The following GOLGA7B variants were observed in gnomAD, a reference collection of about 807,000 sequenced individuals.
GOLGA7B encodes golgin A7 family member B.
In GOLGA7B, 17 loss-of-function variants were observed where a neutral mutation model predicts 21.5. That is an observed-to-expected ratio of 0.79 (90% CI 0.54 to 1.19). The LOEUF (loss-of-function observed/expected upper bound fraction) is 1.19, where lower values mean the gene tolerates loss of function less well. Ranked by LOEUF, GOLGA7B falls within the 50% of genes most tolerant of loss-of-function variation. The pLI is 0.00. For synonymous variants in GOLGA7B, 87 were observed against 84.0 expected, an observed-to-expected ratio of 1.04 and a Z score of -0.19; for missense variants, 169 against 224.4, an observed-to-expected ratio of 0.75 and a Z score of 1.58.
chr10:97,853,493 G>A (rs76975130), intron 1 of GOLGA7B, among the ~76,000 whole-genome samples: 2,864 of 152,284 alleles, frequency 0.019, 95 homozygotes, highest in African/African-American at 0.064. Context: ...CCACTCTCCA[G>A]GCAGACTCCC....
chr10:97,864,285 A>C lies in GOLGA7B; in HGVS notation c.393+16A>C, dbSNP rs376358502. The C allele has an allele frequency of 5.8e-5, 93 of 1,605,542 alleles. No individual in the cohort carries two copies. Among genetic ancestry groups the C allele is most frequent in the South Asian group, 5.4e-4 (49 of 90,898 alleles). ...GATGAGGGTTGTATCCTTCTGGGCT[A>C]TTCTGTGTTGAGGGCACAGGACTGC... On this transcript the variant is annotated intron_variant, in intron 4 of 4. Transcript: ENST00000370602.
In GOLGA7B at chr10:97,870,942, G is replaced by C. The variant is rs1353672751; in HGVS notation, c.*5242G>C. The C allele has an allele frequency of 1.3e-5, 2 of 152,282 alleles. No individual in the cohort carries two copies. The highest frequency in any genetic ancestry group is 2.9e-5 in the Non-Finnish European group (2 of 68,024). The allele number at this position is 152,282 out of a possible 1,614,324, so 9.4% of individuals were successfully genotyped here. A position where few individuals can be genotyped will look rare whatever the true frequency, so the allele number is the denominator to read the frequency against. On this transcript the variant is annotated 3_prime_UTR_variant, in exon 5 of 5. Coordinates refer to ENST00000370602, the MANE Select transcript of GOLGA7B (RefSeq NM_001010917.3). ...TACAGCTTTCAGCAGATTCTCAAAG[G>C]GGTATGCAACCCCCTAAAAAGGTTA...
At chr10:97,855,093 G>A (rs2049927083) in intron 1 of GOLGA7B, among the ~76,000 whole-genome samples, 1 of 152,202 alleles carries the variant, frequency 6.6e-6, no homozygotes, top group Non-Finnish European at 1.5e-5. Context: ...TGTATGCCTA[G>A]GAGGAAGAAG....
intron 2 of GOLGA7B, 130 bp from the exon 3 acceptor site, chr10:97,863,800 T>C: frequency 1.0e-6 from 1 of 1,004,770 alleles, no homozygotes; most frequent in Non-Finnish European, 1.5e-6. Context: ...TGCAGCCTCT[T>C]TGGTCTTGCC....
At chr10:97,857,854 A>C (rs2049946144) in intron 1 of GOLGA7B, among the ~76,000 whole-genome samples, 1 of 152,180 alleles carries the variant, frequency 6.6e-6, no homozygotes, top group Non-Finnish European at 1.5e-5. Context: ...AAAGCAACAT[A>C]CCTATAACCA....
chr10:97,857,560 A>G (rs1214018085), intron 1 of GOLGA7B, among the ~76,000 whole-genome samples: 1 of 152,170 alleles, frequency 6.6e-6, no homozygotes, highest in Non-Finnish European at 1.5e-5. Context: ...AGCAATCTAC[A>G]GATTTAACAC....
At position 97,857,573 on chromosome 10, in the gene GOLGA7B, T is replaced by A. The variant is rs143414104; in HGVS notation, c.13-1885T>A. 4.7e-4 allele frequency among the ~76,000 whole-genome samples: 71 copies of A among 152,070 alleles called. 1 individual carries two copies. The highest frequency in any genetic ancestry group is 1.6e-3 in the African/African-American group (67 of 41,478). ...AAAGCAATCTACAGATTTAACACAA[T>A]CCCTATCAAATTAGCAATATCATTT... On this transcript the variant is annotated intron_variant, in intron 1 of 4. Transcript: ENST00000370602.
Position 97,850,211 on chromosome 10 carries a change from G to T in GOLGA7B, c.-93G>T, listed in dbSNP as rs369835704. 1.1e-4 allele frequency: 93 copies of T among 875,038 alleles called. 1 individual carries two copies. In the East Asian group the frequency reaches 1.6e-3, roughly 15 times the overall value. 54.2% of individuals were successfully genotyped at this position (875,038 alleles called of 1,614,324 possible). A position where few individuals can be genotyped will look rare whatever the true frequency, so the allele number is the denominator to read the frequency against. Reference sequence around the variant, plus strand: ...CGGACAGCGCCCCGGGCCCCAGCTCGCCGCCACCGCCGCCGCCCACCTGCT... The same window carrying T: ...CGGACAGCGCCCCGGGCCCCAGCTCTCCGCCACCGCCGCCGCCCACCTGCT... On this transcript the variant is annotated 5_prime_UTR_variant, in exon 1 of 5. Transcript: ENST00000370602.
chr10:97,850,339 A>G, intron 1 of GOLGA7B, 24 bp downstream of exon 1: 2 of 1,509,476 alleles, frequency 1.3e-6, no homozygotes, highest in Admixed American at 2.1e-5. Flanking sequence ...CCCCACCCGC[A>G]GGCAGTGCCC....
At chr10:97,852,531 G>C (rs1308381935) in intron 1 of GOLGA7B, among the ~76,000 whole-genome samples, 4 of 152,214 alleles carry the variant, frequency 2.6e-5, no homozygotes, top group Non-Finnish European at 4.4e-5. Context: ...TGTGGGGTGA[G>C]TCATTCTCCC....
At chr10:97,862,860 G>T (rs2049979447) in intron 2 of GOLGA7B, among the ~76,000 whole-genome samples, 1 of 152,280 alleles carries the variant, frequency 6.6e-6, no homozygotes, top group South Asian at 2.1e-4. Context: ...AGACCCAAGG[G>T]TGTTAAGGGT....
At chr10:97,856,204 G>A (rs2049934404) in intron 1 of GOLGA7B, among the ~76,000 whole-genome samples, 1 of 152,084 alleles carries the variant, frequency 6.6e-6, no homozygotes, top group Admixed American at 6.6e-5. Context: ...TGTACCCGAT[G>A]GGTAATTTTT....
At position 97,860,632 on chromosome 10, in the gene GOLGA7B, T is replaced by C. The variant is rs182055205; in HGVS notation, c.138+1049T>C. The stretch of plus-strand genomic sequence containing the variant: ...CCTCCCAAAGTGCTGGGATTACAGG[T>C]GTGAGCCACCATGCCCAGCCCAAAT... On this transcript the variant is annotated intron_variant, in intron 2 of 4. Coordinates refer to ENST00000370602, the MANE Select transcript of GOLGA7B (RefSeq NM_001010917.3). Among the ~76,000 whole-genome samples, 1,011 of 152,256 alleles carry C rather than the reference T, an allele frequency of 6.6e-3. 15 individuals are homozygous for C. The highest frequency in any genetic ancestry group is 0.022 in the African/African-American group (919 of 41,554).
rs1237681188 is a variant in GOLGA7B, at chr10:97,849,846, G to A, written c.-458G>A. 6.6e-6 allele frequency: 1 copy of A among 151,820 alleles called. No homozygotes were observed. The highest frequency in any genetic ancestry group is 1.5e-5 in the Non-Finnish European group (1 of 67,830). The allele number at this position is 151,820 out of a possible 1,614,324, so 9.4% of individuals were successfully genotyped here. A position where few individuals can be genotyped will look rare whatever the true frequency, so the allele number is the denominator to read the frequency against. Reference sequence around the variant, plus strand: ...AAGGGGAGGCGGGGCCTCGCGCGGGGCGGTAGCCGAGCCTGTGGCCCGGGC... The same window carrying A: ...AAGGGGAGGCGGGGCCTCGCGCGGGACGGTAGCCGAGCCTGTGGCCCGGGC... On this transcript the variant is annotated 5_prime_UTR_variant, in exon 1 of 5. Coordinates refer to ENST00000370602, the MANE Select transcript of GOLGA7B (RefSeq NM_001010917.3).
At position 97,866,781 on chromosome 10, in the gene GOLGA7B, TGA is replaced by T. The variant is rs1462405083; in HGVS notation, c.*1083_*1084del. The T allele has an allele frequency of 5.3e-5, 8 of 152,214 alleles. No homozygotes were observed. Among genetic ancestry groups the T allele is most frequent in the African/African-American group, 1.2e-4 (5 of 41,430 alleles). 9.4% of individuals were successfully genotyped at this position (152,214 alleles called of 1,614,324 possible). A position where few individuals can be genotyped will look rare whatever the true frequency, so the allele number is the denominator to read the frequency against. On this transcript the variant is annotated 3_prime_UTR_variant, in exon 5 of 5. Coordinates refer to ENST00000370602, the MANE Select transcript of GOLGA7B (RefSeq NM_001010917.3). ...ACATGTGTGCACAAGCATGTGTGTA[TGA>T]GTGTTCATGTGTATGAGTGTGTGTG...
Position 97,870,512 on chromosome 10 carries a change from G to T in GOLGA7B, c.*4812G>T, listed in dbSNP as rs144411478. 3.3e-4 allele frequency: 50 copies of T among 152,250 alleles called. 1 individual carries two copies. In the East Asian group the frequency reaches 7.7e-3, roughly 24 times the overall value. The allele number at this position is 152,250 out of a possible 1,614,324, so 9.4% of individuals were successfully genotyped here. The stretch of plus-strand genomic sequence containing the variant: ...CTCAGGATGTTCTGTTTCTTGATCA[G>T]AGTGCCAGTTACACGGGGTGCTCAC... On this transcript the variant is annotated 3_prime_UTR_variant, in exon 5 of 5. Coordinates refer to ENST00000370602, the MANE Select transcript of GOLGA7B (RefSeq NM_001010917.3).
Position 97,850,310 on chromosome 10 carries a change from A to G in GOLGA7B, c.7A>G (p.Thr3Ala). The G allele has an allele frequency of 2.6e-6, 4 of 1,518,254 alleles. No homozygotes were observed. The highest frequency in any genetic ancestry group is 3.5e-6 in the Non-Finnish European group (4 of 1,135,258). The allele number at this position is 1,518,254 out of a possible 1,614,324, so 94.0% of individuals were successfully genotyped here. A position where few individuals can be genotyped will look rare whatever the true frequency, so the allele number is the denominator to read the frequency against. The change falls in exon 1 of 5, where the codon ACC becomes GCC. Residue 3 changes from threonine to alanine, a missense_variant. Thr to Ala is a moderately conservative substitution (Grantham distance 58). Transcript: ENST00000370602. ...CTCCGAGCGCCCCCGGATCATGGCC[A>G]CCGAGGTAGGGGCGAGCGCCCCACC... MATEVHNLQELRR... is the reference protein window; with the variant it reads MAAEVHNLQELRR...
chr10:97,858,545 G>A (rs752169723), intron 1 of GOLGA7B, among the ~76,000 whole-genome samples: 4 of 152,174 alleles, frequency 2.6e-5, no homozygotes, highest in Non-Finnish European at 5.9e-5. Context: ...CTGTGGAATT[G>A]AGCCCATTCC....
intron 2 of GOLGA7B, among the ~76,000 whole-genome samples, chr10:97,860,757 GTCT>G (rs2049966418): frequency 6.6e-6 from 1 of 152,200 alleles, no homozygotes; most frequent in Non-Finnish European, 1.5e-5. Flanking sequence ...TGTTCAGCTG[GTCT>G]TCTTCAGAAA....
Sources: allele counts gnomAD v4.1 joint callset (sites outside exome capture counted in the v4.1 genomes callset), GRCh38; gene constraint gnomAD v4.1.1; transcripts MANE v1.5; gene names NCBI Gene and HGNC (gene_info 2026-07-23, HGNC 2026-07-21).